Variants in SSUH2 observed in about 807,000 individuals in gnomAD.
The protein encoded by SSUH2 is protein SSUH2 homolog.
A neutral mutation model predicts 55.3 loss-of-function variants in SSUH2; 47 were observed. The ratio of observed to expected loss-of-function variants is 0.85; its 90% confidence interval spans 0.67 to 1.08. SSUH2 has a LOEUF of 1.08. Ranked by LOEUF, SSUH2 falls within the 50% of genes least tolerant of loss-of-function variation. The probability of loss-of-function intolerance (pLI) is 0.00; values close to 1 mark genes in which losing one functional copy is unlikely to be tolerated. For missense variants in SSUH2, 535 were observed against 490.7 expected, an observed-to-expected ratio of 1.09 and a Z score of -0.85; for synonymous variants, 212 against 191.5, an observed-to-expected ratio of 1.11 and a Z score of -0.89.
chr3:8,665,031 T>C (rs1264703195), intron 5 of SSUH2, among the ~76,000 whole-genome samples: 1 of 152,202 alleles, frequency 6.6e-6, no homozygotes, highest in Non-Finnish European at 1.5e-5. Flanking sequence ...CAATCCCTGC[T>C]GTCTACACCC....
chr3:8,621,457 G>C (rs1268747993), intron 11 of SSUH2, among the ~76,000 whole-genome samples: 1 of 152,148 alleles, frequency 6.6e-6, no homozygotes, highest in African/African-American at 2.4e-5. Flanking sequence ...CTGGAGATCT[G>C]GGCAGTGGGG....
At chr3:8,665,785 T>C (rs993769885) in intron 5 of SSUH2, among the ~76,000 whole-genome samples, 2 of 152,196 alleles carry the variant, frequency 1.3e-5, no homozygotes, top group South Asian at 2.1e-4. Context: ...TCCCTAAAAA[T>C]AGAATCTTTA....
chr3:8,629,648 T>TTCACAGATGACTCACCAGTGGA lies in SSUH2; in HGVS notation c.588+15_588+16insTCCACTGGTGAGTCATCTGTGA. ...CACACCCTCACTGACTCACCAGTGG[T>TTCACAGATGACTCACCAGTGGA]TCACAGATGACTCACCGTGCCCGCC... On this transcript the variant is annotated intron_variant, in intron 7 of 11. Transcript: ENST00000544814. 1 of 1,613,804 alleles carries TTCACAGATGACTCACCAGTGGA rather than the reference T, an allele frequency of 6.2e-7. No homozygotes were observed.
At chr3:8,650,365 C>A (rs1191573009) in intron 7 of SSUH2, among the ~76,000 whole-genome samples, 1 of 152,184 alleles carries the variant, frequency 6.6e-6, no homozygotes, top group Non-Finnish European at 1.5e-5. Flanking sequence ...CTGTTTAGTT[C>A]CCTGCTGTAT....
At chr3:8,674,770 T>C (rs1467353159) in intron 3 of SSUH2, among the ~76,000 whole-genome samples, 7 of 152,114 alleles carry the variant, frequency 4.6e-5, no homozygotes, top group African/African-American at 9.7e-5. Context: ...ACAGGAGTCA[T>C]TATGACCCTT....
At chr3:8,637,351 T>C (rs1284617089) in intron 1 of SSUH2, among the ~76,000 whole-genome samples, 2 of 152,194 alleles carry the variant, frequency 1.3e-5, no homozygotes, top group South Asian at 2.1e-4. Flanking sequence ...GGGTGTGACA[T>C]AGATACAGGT....
At position 8,678,939 on chromosome 3, in the gene SSUH2, T is replaced by C. The variant is rs1424934282; in HGVS notation, c.-901+766A>G. ...GCGGGGACTGAGAGCCAGCCACTCT[T>C]CCCCTCCTGGCTCTTGGGACGCCCA... On this transcript the variant is annotated intron_variant, in intron 2 of 18. Transcript: ENST00000317371. Among the ~76,000 whole-genome samples, 6 of 104,698 alleles carry C rather than the reference T, an allele frequency of 5.7e-5. 2 individuals carry two copies. Among genetic ancestry groups the C allele is most frequent in the South Asian group, 6.9e-4 (2 of 2,902 alleles). The allele number at this position is 104,698 out of a possible 152,430, so 68.7% of individuals were successfully genotyped here. A position where few individuals can be genotyped will look rare whatever the true frequency, so the allele number is the denominator to read the frequency against.
intron 7 of SSUH2, among the ~76,000 whole-genome samples, chr3:8,657,280 G>A (rs1396588884): frequency 3.7e-5 from 5 of 135,318 alleles, no homozygotes; most frequent in African/African-American, 1.3e-4. Context: ...AACTGACACT[G>A]CACTTGATGA....
At chr3:8,644,923 G>A, upstream of SSUH2, 5 of 670,808 alleles carry the variant, frequency 7.5e-6, no homozygotes, top group Non-Finnish European at 8.0e-6. Flanking sequence ...CAGCTGCTCT[G>A]CACCCAATCC....
At chr3:8,647,403 T>C (rs1477071938), upstream of SSUH2, among the ~76,000 whole-genome samples, 1 of 152,168 alleles carries the variant, frequency 6.6e-6, no homozygotes, top group Non-Finnish European at 1.5e-5. Context: ...AGCTTGGTGA[T>C]TAAACAAAGT....
chr3:8,638,737 G>A (rs369534181), intron 1 of SSUH2, among the ~76,000 whole-genome samples: 2 of 152,180 alleles, frequency 1.3e-5, no homozygotes, highest in East Asian at 3.9e-4. Flanking sequence ...CCTAAGAAGG[G>A]TGGGTCTTCC....
chr3:8,681,379 C>T (rs964585310), intron 1 of SSUH2, among the ~76,000 whole-genome samples: 2 of 146,998 alleles, frequency 1.4e-5, no homozygotes, highest in African/African-American at 5.0e-5. Context: ...TCCCCTGGCT[C>T]TGAGGACACC....
intron 3 of SSUH2, among the ~76,000 whole-genome samples, chr3:8,675,937 C>T (rs1705204205): frequency 1.3e-5 from 2 of 152,150 alleles, no homozygotes; most frequent in Non-Finnish European, 2.9e-5. Context: ...GGCCAGTGGC[C>T]TACCTCTCTA....
At chr3:8,678,462 C>T (rs531999590) in intron 2 of SSUH2, among the ~76,000 whole-genome samples, 3 of 151,336 alleles carry the variant, frequency 2.0e-5, no homozygotes, top group South Asian at 2.1e-4. Flanking sequence ...CTCTATCCCC[C>T]CCTGGCTCTT....
In SSUH2 at chr3:8,639,903, G is replaced by A. The variant is rs1038967664; in HGVS notation, c.29-4046C>T. On this transcript the variant is annotated intron_variant, in intron 1 of 11. Transcript: ENST00000544814. ...CATTCAACACTTAAACAAAGAGTGG[G>A]AATCCAACAGGCACACGTAAGTGTT... The A allele has an allele frequency of 1.9e-5, 18 of 939,460 alleles. No individual in the cohort carries two copies. In the East Asian group the frequency reaches 3.5e-4, roughly 18 times the overall value. 58.2% of individuals were successfully genotyped at this position (939,460 alleles called of 1,614,324 possible). A position where few individuals can be genotyped will look rare whatever the true frequency, so the allele number is the denominator to read the frequency against.
chr3:8,681,170 A>G (rs1575418754), intron 1 of SSUH2, among the ~76,000 whole-genome samples: 2 of 112,094 alleles, frequency 1.8e-5, no homozygotes, highest in Admixed American at 9.6e-5. Context: ...CAGGGGGGGG[A>G]GTCACCCCAT....
intron 7 of SSUH2, among the ~76,000 whole-genome samples, chr3:8,651,555 G>A (rs532241096): frequency 5.9e-5 from 9 of 152,298 alleles, no homozygotes; most frequent in African/African-American, 2.2e-4. Flanking sequence ...AAAATGGGGA[G>A]CAGGAGCAGA....
In SSUH2 at chr3:8,643,931, G is replaced by C. The variant is rs141120823; in HGVS notation, c.28+800C>G. Among the ~76,000 whole-genome samples, 17 of 152,252 alleles carry C rather than the reference G, an allele frequency of 1.1e-4. No individual in the cohort carries two copies. The East Asian group carries it at 2.5e-3, about 22-fold the overall frequency. On this transcript the variant is annotated intron_variant, in intron 1 of 11. Transcript: ENST00000544814. ...AAGATCACACAGCCAATTCAGAGCA[G>C]AGCCAGGACTTGAACCCTGGCCTCC...
intron 2 of SSUH2, among the ~76,000 whole-genome samples, chr3:8,678,428 T>C (rs1705597598): frequency 6.6e-6 from 1 of 152,014 alleles, no homozygotes; most frequent in African/African-American, 2.4e-5. Flanking sequence ...CAGCCTGCGA[T>C]GCTGGAATTA....
Sources: gnomAD v4.1 joint callset for allele counts (sites outside exome capture counted in the v4.1 genomes callset) on GRCh38, gnomAD v4.1.1 for gene constraint, MANE v1.5 for transcripts, NCBI Gene and HGNC (gene_info 2026-07-23, HGNC 2026-07-21) for gene names.